Variants in QKI observed in about 807,000 individuals in gnomAD.
QKI encodes the protein QKI, KH domain containing RNA binding.
A neutral mutation model predicts 39.0 loss-of-function variants in QKI; 10 were observed. The observed-to-expected ratio is 0.26, with a 90% CI of 0.16 to 0.43. The LOEUF (loss-of-function observed/expected upper bound fraction) is 0.43, where lower values mean the gene tolerates loss of function less well. QKI is among the 20% of genes least tolerant of loss of function. The pLI is 1.00. For synonymous variants in QKI, 204 were observed against 155.4 expected (o/e 1.31, Z -2.33); for missense variants, 218 against 428.0 (o/e 0.51, Z 4.33).
At chr6:163,426,533 C>T (rs907488114) in intron 1 of QKI, among the ~76,000 whole-genome samples, 2 of 151,894 alleles carry the variant, frequency 1.3e-5, no homozygotes, top group Non-Finnish European at 1.5e-5. Context: ...TTTGTTTCCC[C>T]ACTTGGAACC....
At chr6:163,568,282 C>G (rs1783491651) in intron 7 of QKI, 51 of 984,748 alleles carry the variant, frequency 5.2e-5, no homozygotes, top group Non-Finnish European at 6.2e-5. Context: ...TATGTATGCC[C>G]CCTTTTAGGA....
At chr6:163,532,969 A>T (rs968199454) in intron 3 of QKI, among the ~76,000 whole-genome samples, 5 of 152,010 alleles carry the variant, frequency 3.3e-5, no homozygotes, top group Admixed American at 2.6e-4. Flanking sequence ...AAACTTGTTG[A>T]TACGTTTTGC....
At chr6:163,437,143 T>C (rs1409792062) in intron 1 of QKI, among the ~76,000 whole-genome samples, 1 of 152,222 alleles carries the variant, frequency 6.6e-6, no homozygotes, top group African/African-American at 2.4e-5. Flanking sequence ...TGATGTAGTT[T>C]AATTATTTTA....
intron 3 of QKI, among the ~76,000 whole-genome samples, chr6:163,517,358 T>G (rs974850515): frequency 1.3e-4 from 20 of 152,200 alleles, no homozygotes; most frequent in African/African-American, 4.6e-4. Context: ...CTGATTACTT[T>G]TCTTAATTAC....
intron 3 of QKI, among the ~76,000 whole-genome samples, chr6:163,521,810 C>T (rs980730295): frequency 6.6e-6 from 1 of 152,156 alleles, no homozygotes; most frequent in Admixed American, 6.5e-5. Flanking sequence ...TGTGAGCCAC[C>T]ATGCCAGGCC....
intron 4 of QKI, among the ~76,000 whole-genome samples, chr6:163,559,519 G>T (rs560001376): frequency 6.6e-6 from 1 of 152,034 alleles, no homozygotes; most frequent in African/African-American, 2.4e-5. Context: ...AATAATTTCT[G>T]TGTCTTTCTA....
chr6:163,558,502 C>T (rs1250536685), intron 4 of QKI, among the ~76,000 whole-genome samples: 2 of 151,184 alleles, frequency 1.3e-5, no homozygotes, highest in Non-Finnish European at 2.9e-5. Flanking sequence ...CAAGTTCAAG[C>T]GATTCTCTTT....
chr6:163,471,217 C>A (rs1792159440), intron 2 of QKI, among the ~76,000 whole-genome samples: 1 of 151,982 alleles, frequency 6.6e-6, no homozygotes, highest in South Asian at 2.1e-4. Context: ...TGGAATGAAT[C>A]CAGGAGATGG....
chr6:163,566,726 G>T lies in QKI; in HGVS notation c.940G>T (p.Val314Leu), dbSNP rs752829792. ...PIEPSGVLGA[V>L]ATKVRRHDMR... ...GGTAATTGCAATTTAACTAGGTGCG[G>T]TGGCTACTAAAGTTCGAAGGCACGA... The change falls in exon 7 of 8, where the codon GTG (valine) becomes TTG (leucine). Residue 314 changes from valine to leucine, a missense_variant. Transcript: ENST00000361752. 5.0e-6 allele frequency: 8 copies of T among 1,613,586 alleles called. No homozygotes were observed. The highest frequency in any genetic ancestry group is 6.8e-6 in the Non-Finnish European group (8 of 1,179,838).
At position 163,573,290 on chromosome 6, in the gene QKI, CTT is replaced by C. The variant is rs1170757440; in HGVS notation, c.*2586_*2587del. The C allele has an allele frequency of 6.6e-6, 1 of 151,986 alleles. No homozygotes were observed. Among genetic ancestry groups the C allele is most frequent in the Admixed American group, 6.6e-5 (1 of 15,256 alleles). 9.4% of individuals were successfully genotyped at this position (151,986 alleles called of 1,614,324 possible). ...TTATTAAAATATGTAGTTTTTAAGACTTTTTTTCTGACAGTATTATGTAATTT... is the reference window on the plus strand; with the variant it reads ...TTATTAAAATATGTAGTTTTTAAGACTTTTTCTGACAGTATTATGTAATTT... On this transcript the variant is annotated 3_prime_UTR_variant, in exon 8 of 8. Coordinates refer to ENST00000361752, the MANE Select transcript of QKI (RefSeq NM_006775.3).
intron 1 of QKI, among the ~76,000 whole-genome samples, chr6:163,435,456 A>C (rs1355670587): frequency 1.3e-5 from 2 of 152,196 alleles, no homozygotes; most frequent in Non-Finnish European, 2.9e-5. Flanking sequence ...CTCTTGAGAG[A>C]ACAGGCTTTA....
chr6:163,484,915 T>A (rs1777550615), intron 3 of QKI, among the ~76,000 whole-genome samples: 1 of 152,146 alleles, frequency 6.6e-6, no homozygotes, highest in African/African-American at 2.4e-5. Flanking sequence ...TGCCACAAGA[T>A]TTGTTTGATG....
At chr6:163,470,286 G>A (rs1288764233) in intron 2 of QKI, among the ~76,000 whole-genome samples, 3 of 151,976 alleles carry the variant, frequency 2.0e-5, no homozygotes, top group Admixed American at 6.6e-5. Flanking sequence ...TTGGGGGTAG[G>A]GACACTGATG....
intron 4 of QKI, among the ~76,000 whole-genome samples, chr6:163,547,898 T>C (rs959185971): frequency 1.3e-5 from 2 of 152,160 alleles, no homozygotes; most frequent in African/African-American, 4.8e-5. Flanking sequence ...GTTGTAGGTT[T>C]TCAGTGACTT....
rs1172547947 is a variant in QKI, at chr6:163,573,889, A to G, written c.*3179A>G. ...AGAATGTAAAGTCTTGAGTTACTGG[A>G]CTAACCCTGAAGAACGTGACCACAG... On this transcript the variant is annotated 3_prime_UTR_variant, in exon 8 of 8. Coordinates refer to ENST00000361752, the MANE Select transcript of QKI (RefSeq NM_006775.3). 2 of 152,192 alleles carry G rather than the reference A, an allele frequency of 1.3e-5. No individual in the cohort carries two copies. Among genetic ancestry groups the G allele is most frequent in the Non-Finnish European group, 2.9e-5 (2 of 68,028 alleles). 9.4% of individuals were successfully genotyped at this position (152,192 alleles called of 1,614,324 possible).
chr6:163,509,584 T>C (rs911617318), intron 3 of QKI, among the ~76,000 whole-genome samples: 1 of 152,124 alleles, frequency 6.6e-6, no homozygotes, highest in Non-Finnish European at 1.5e-5. Context: ...CAGTATAATA[T>C]TGATTGTAAG....
At chr6:163,518,772 G>A (rs191473721) in intron 3 of QKI, among the ~76,000 whole-genome samples, 1 of 152,222 alleles carries the variant, frequency 6.6e-6, no homozygotes, top group Non-Finnish European at 1.5e-5. Flanking sequence ...CATTTATTCT[G>A]TAGTAGATTG....
At chr6:163,560,240 T>C (rs1782911290) in intron 4 of QKI, among the ~76,000 whole-genome samples, 1 of 152,194 alleles carries the variant, frequency 6.6e-6, no homozygotes, top group African/African-American at 2.4e-5. Context: ...TAATTTGAAG[T>C]AGAAGCAATT....
intron 7 of QKI, chr6:163,567,987 A>G (rs1187212114): frequency 6.1e-6 from 6 of 985,412 alleles, no homozygotes; most frequent in Non-Finnish European, 4.8e-6. Context: ...ATAATCCATA[A>G]AGAACGTTGA....
Sources: allele counts gnomAD v4.1 joint callset (sites outside exome capture counted in the v4.1 genomes callset), GRCh38; gene constraint gnomAD v4.1.1; transcripts MANE v1.5; gene names NCBI Gene and HGNC (gene_info 2026-07-23, HGNC 2026-07-21).